Variants in CLPB observed in about 807,000 individuals in gnomAD.
CLPB encodes ClpB family mitochondrial disaggregase.
Under a neutral mutation model 78.4 loss-of-function variants are expected in CLPB, and 40 were observed. That is an observed-to-expected ratio of 0.51 (90% CI 0.40 to 0.66). The LOEUF is 0.66. Among genes scored for constraint, CLPB ranks in the 30% least tolerant of loss-of-function variants. CLPB has a pLI of 0.00. For missense variants in CLPB, 780 were observed against 886.9 expected (o/e 0.88, Z 1.53); for synonymous variants, 333 against 348.0 (o/e 0.96, Z 0.48).
intron 3 of CLPB, among the ~76,000 whole-genome samples, chr11:72,382,115 G>A (rs958464785): frequency 1.1e-4 from 16 of 152,042 alleles, no homozygotes; most frequent in African/African-American, 3.6e-4. Context: ...GCCAGCCCAG[G>A]CTCCAGGCCA....
At chr11:72,335,352 A>G (rs1008482722) in intron 5 of CLPB, among the ~76,000 whole-genome samples, 8 of 152,156 alleles carry the variant, frequency 5.3e-5, no homozygotes, top group Non-Finnish European at 8.8e-5. Flanking sequence ...AGTTCTTCCA[A>G]TTCCCTAAGA....
chr11:72,401,358 T>G (rs1353434001), intron 3 of CLPB, among the ~76,000 whole-genome samples: 1 of 152,112 alleles, frequency 6.6e-6, no homozygotes, highest in Admixed American at 6.6e-5. Flanking sequence ...GTGGAATTGC[T>G]TGAACCTGGG....
At chr11:72,390,703 A>T (rs73530756) in intron 3 of CLPB, among the ~76,000 whole-genome samples, 24,880 of 152,142 alleles carry the variant, frequency 0.16, 3,462 homozygotes, top group African/African-American at 0.38. Context: ...GATCTGGGAC[A>T]CTTCATGCAC....
intron 4 of CLPB, among the ~76,000 whole-genome samples, chr11:72,379,288 T>C (rs548547222): frequency 4.6e-5 from 7 of 152,216 alleles, no homozygotes; most frequent in African/African-American, 1.4e-4. Flanking sequence ...CTGCTAACAC[T>C]AAAGCAGCCA....
At chr11:72,418,261 C>T (rs150389458) in intron 2 of CLPB, among the ~76,000 whole-genome samples, 1 of 152,188 alleles carries the variant, frequency 6.6e-6, no homozygotes, top group Non-Finnish European at 1.5e-5. Context: ...TGACTTACTA[C>T]GGTGAAGGCA....
chr11:72,412,635 C>T (rs1418901230), intron 2 of CLPB, among the ~76,000 whole-genome samples: 2 of 152,228 alleles, frequency 1.3e-5, no homozygotes, highest in Non-Finnish European at 2.9e-5. Flanking sequence ...ACACTACCCT[C>T]TCTGAACCTC....
intron 6 of CLPB, among the ~76,000 whole-genome samples, chr11:72,327,337 C>T (rs1210292759): frequency 6.6e-6 from 1 of 152,212 alleles, no homozygotes; most frequent in Admixed American, 6.5e-5. Flanking sequence ...CTCCTGCCAC[C>T]CTACTGCCCT....
At chr11:72,386,226 C>T (rs1188837594) in intron 3 of CLPB, among the ~76,000 whole-genome samples, 4 of 151,644 alleles carry the variant, frequency 2.6e-5, no homozygotes, top group Non-Finnish European at 5.9e-5. Flanking sequence ...TTTTTGATTA[C>T]TAGTCAGGAT....
intron 3 of CLPB, among the ~76,000 whole-genome samples, chr11:72,401,516 G>A (rs1238346042): frequency 6.6e-6 from 1 of 152,116 alleles, no homozygotes; most frequent in Non-Finnish European, 1.5e-5. Flanking sequence ...AGCAAATCAG[G>A]AAACCGAGTG....
rs1565413678 is a variant in CLPB at position 72,286,234 on chromosome 11, T to TTTTTTTTTTG, written c.*7132_*7133insCAAAAAAAAA. ...GAGATACTGCACCTGTTTTTTTTTT[T>TTTTTTTTTTG]TTTTTTTTTTTTAAGAGATAGGGTG... On this transcript the variant is annotated 3_prime_UTR_variant, in exon 16 of 16. Transcript: ENST00000538039. 6 of 128,936 alleles carry TTTTTTTTTTG rather than the reference T, an allele frequency of 4.7e-5. No homozygotes were observed. Among genetic ancestry groups the TTTTTTTTTTG allele is most frequent in the Non-Finnish European group, 1.0e-4 (6 of 58,808 alleles). 8.0% of individuals were successfully genotyped at this position (128,936 alleles called of 1,614,324 possible).
At chr11:72,294,752 G>A (rs1353110755) in intron 12 of CLPB, 59 bp from the exon 13 acceptor site, 3 of 1,417,476 alleles carry the variant, frequency 2.1e-6, no homozygotes, top group Admixed American at 1.7e-5. Flanking sequence ...TGGGGGCTGT[G>A]CCTGCCCCTT....
chr11:72,357,595 C>T (rs890682059), intron 5 of CLPB, among the ~76,000 whole-genome samples: 10 of 147,370 alleles, frequency 6.8e-5, no homozygotes, highest in Non-Finnish European at 1.0e-4. Flanking sequence ...ACTCGGGAGG[C>T]TGAGGTAGGA....
chr11:72,412,679 C>T (rs1855913894), intron 2 of CLPB, among the ~76,000 whole-genome samples: 1 of 152,180 alleles, frequency 6.6e-6, no homozygotes, highest in African/African-American at 2.4e-5. Context: ...TCAGCCCTAC[C>T]TAACATGGGT....
chr11:72,427,417 C>T (rs911190212), intron 2 of CLPB, among the ~76,000 whole-genome samples: 2 of 152,148 alleles, frequency 1.3e-5, no homozygotes, highest in Non-Finnish European at 2.9e-5. Context: ...GTGACCCAAC[C>T]ATGTGTAACC....
chr11:72,377,421 G>A (rs1854741771), intron 4 of CLPB, among the ~76,000 whole-genome samples: 1 of 152,144 alleles, frequency 6.6e-6, no homozygotes, highest in South Asian at 2.1e-4. Context: ...TGAATCCACA[G>A]GAAGCCTACT....
At chr11:72,419,388 C>T (rs902410620) in intron 2 of CLPB, among the ~76,000 whole-genome samples, 3 of 152,198 alleles carry the variant, frequency 2.0e-5, no homozygotes, top group Non-Finnish European at 4.4e-5. Context: ...GGACCATGCC[C>T]AAGATGATGC....
intron 7 of CLPB, among the ~76,000 whole-genome samples, chr11:72,315,517 C>A (rs1949925961): frequency 1.3e-5 from 2 of 152,194 alleles, no homozygotes; most frequent in Admixed American, 1.3e-4. Context: ...CGCTTTATCT[C>A]CTCCGTTTGT....
rs1207598974 is a variant in CLPB at position 72,292,065 on chromosome 11, A to AAAG, written c.*1301_*1302insCTT. On this transcript the variant is annotated 3_prime_UTR_variant, in exon 16 of 16. Transcript: ENST00000538039. ...CTCAAAAAAAAAAAAAAAAAAAAAAAGGCAGTCAGTGAGGTAGGGAGCAGC... is the reference window on the plus strand; with the variant it reads ...CTCAAAAAAAAAAAAAAAAAAAAAAAAAGGGCAGTCAGTGAGGTAGGGAGCAGC... 1.6e-4 allele frequency: 24 copies of AAAG among 147,944 alleles called. No individual in the cohort carries two copies. The highest frequency in any genetic ancestry group is 6.2e-4 in the African/African-American group (24 of 38,402). The allele number at this position is 147,944 out of a possible 1,614,324, so 9.2% of individuals were successfully genotyped here.
chr11:72,382,848 G>A (rs1854957449), intron 3 of CLPB, among the ~76,000 whole-genome samples: 2 of 151,906 alleles, frequency 1.3e-5, no homozygotes, highest in South Asian at 4.2e-4. Flanking sequence ...CAAAACAAAG[G>A]ATCAGTAACC....
Sources: gnomAD v4.1 joint callset for allele counts (sites outside exome capture counted in the v4.1 genomes callset) on GRCh38, gnomAD v4.1.1 for gene constraint, MANE v1.5 for transcripts, NCBI Gene and HGNC (gene_info 2026-07-23, HGNC 2026-07-21) for gene names.